NOS1: variants seen among roughly 807,000 people sequenced by gnomAD.
NOS1 encodes the protein nitric oxide synthase 1, also known as NOS type I.
NOS1 carries 51 observed loss-of-function variants against 164.5 expected under a neutral mutation model. The ratio of observed to expected loss-of-function variants is 0.31; its 90% CI spans 0.25 to 0.39. The LOEUF is 0.39. Among genes scored for constraint, NOS1 ranks in the 10% least tolerant of loss-of-function variants. The probability of loss-of-function intolerance (pLI) is 1.00; values close to 1 mark genes in which losing one functional copy is unlikely to be tolerated. For synonymous variants in NOS1, 719 were observed against 745.8 expected (o/e 0.96, Z 0.59); for missense variants, 1,362 against 1,885.6 (o/e 0.72, Z 5.14).
chr12:117,326,023 A>C (rs1875227719), intron 2 of NOS1, among the ~76,000 whole-genome samples: 1 of 152,150 alleles, frequency 6.6e-6, no homozygotes, highest in Non-Finnish European at 1.5e-5. Flanking sequence ...CCAGTTAGTA[A>C]AGACATTTAA....
chr12:117,225,475 G>A (rs1214158523), intron 24 of NOS1, among the ~76,000 whole-genome samples: 2 of 152,094 alleles, frequency 1.3e-5, no homozygotes, highest in Non-Finnish European at 2.9e-5. Flanking sequence ...GTAGGGTATT[G>A]AGCAACATCC....
At chr12:117,324,454 G>T (rs2136068354) in intron 2 of NOS1, among the ~76,000 whole-genome samples, 1 of 152,280 alleles carries the variant, frequency 6.6e-6, no homozygotes, top group Non-Finnish European at 1.5e-5. Context: ...CTCCAGCCAG[G>T]CACGGTGGCT....
At chr12:117,237,892 C>T (rs12099598) in intron 20 of NOS1, among the ~76,000 whole-genome samples, 36,254 of 151,714 alleles carry the variant, frequency 0.24, 4,679 homozygotes, top group East Asian at 0.39. Flanking sequence ...GTGATGTGGA[C>T]GAGTGGGTGG....
chr12:117,348,900 G>A (rs759643246), intron 1 of NOS1, among the ~76,000 whole-genome samples: 2 of 152,168 alleles, frequency 1.3e-5, no homozygotes, highest in African/African-American at 2.4e-5. Flanking sequence ...CGGAGAAAGT[G>A]GTGCAATTCG....
At position 117,311,400 on chromosome 12, in the gene NOS1, TC is replaced by T. The variant is rs1291906809; in HGVS notation, c.852+65del. 4 of 1,506,060 alleles carry T rather than the reference TC, an allele frequency of 2.7e-6. No homozygotes were observed. In the Admixed American group the frequency reaches 6.3e-5, roughly 24 times the overall value. The allele number at this position is 1,506,060 out of a possible 1,614,324, so 93.3% of individuals were successfully genotyped here. A position where few individuals can be genotyped will look rare whatever the true frequency, so the allele number is the denominator to read the frequency against. ...GGATTTAGCTTCCCTCCCCTCAGCTTCCCACCTGGGAGGGGGTCGAGAAGGC... is the reference window on the plus strand; with the variant it reads ...GGATTTAGCTTCCCTCCCCTCAGCTTCCACCTGGGAGGGGGTCGAGAAGGC... On this transcript the variant is annotated intron_variant, in intron 3 of 28. Coordinates refer to ENST00000317775, the MANE Select transcript of NOS1 (RefSeq NM_000620.5).
At position 117,214,077 on chromosome 12, in the gene NOS1, G is replaced by C; in HGVS notation, c.*1232C>G. On this transcript the variant is annotated 3_prime_UTR_variant, in exon 29 of 29. Coordinates refer to ENST00000317775, the MANE Select transcript of NOS1 (RefSeq NM_000620.5). ...CAAGTTCTTCCCACCCCAAGTTGTGGCTCCTATCGAAGAAGCCACGTGGGA... is the reference window on the plus strand; with the variant it reads ...CAAGTTCTTCCCACCCCAAGTTGTGCCTCCTATCGAAGAAGCCACGTGGGA... 1.0e-6 allele frequency: 1 copy of C among 985,360 alleles called. No homozygotes were observed. Among genetic ancestry groups the C allele is most frequent in the Non-Finnish European group, 1.2e-6 (1 of 829,916 alleles). 61.0% of individuals were successfully genotyped at this position (985,360 alleles called of 1,614,324 possible). A position where few individuals can be genotyped will look rare whatever the true frequency, so the allele number is the denominator to read the frequency against.
chr12:117,324,147 G>T (rs1593022920), intron 2 of NOS1, among the ~76,000 whole-genome samples: 1 of 152,202 alleles, frequency 6.6e-6, no homozygotes, highest in African/African-American at 2.4e-5. Flanking sequence ...GGCCAGTGCT[G>T]TGTGACCCTG....
At chr12:117,291,503 A>T (rs1873055388) in intron 3 of NOS1, among the ~76,000 whole-genome samples, 1 of 142,884 alleles carries the variant, frequency 7.0e-6, no homozygotes, top group Non-Finnish European at 1.5e-5. Context: ...TTCATTGTAG[A>T]CCTCACTGAT....
intron 25 of NOS1, among the ~76,000 whole-genome samples, chr12:117,224,506 C>T (rs1268859246): frequency 3.3e-5 from 5 of 152,078 alleles, no homozygotes; most frequent in South Asian, 2.1e-4. Flanking sequence ...AGGATGGTCT[C>T]GATCTCCTGA....
intron 3 of NOS1, among the ~76,000 whole-genome samples, chr12:117,298,279 G>A (rs879656200): frequency 6.6e-6 from 1 of 152,010 alleles, no homozygotes; most frequent in Non-Finnish European, 1.5e-5. Context: ...TAGGGTACGA[G>A]CTCCTATGAG....
chr12:117,311,194 G>A (rs140567242), intron 3 of NOS1, among the ~76,000 whole-genome samples: 2 of 152,030 alleles, frequency 1.3e-5, no homozygotes, highest in Non-Finnish European at 2.9e-5. Flanking sequence ...TTTTAAATTT[G>A]GAATCATGTG....
chr12:117,359,879 TATATATATATATATATATATATATA>T (rs1877044655), intron 1 of NOS1, among the ~76,000 whole-genome samples: 17 of 24,092 alleles, frequency 7.1e-4, no homozygotes, highest in African/African-American at 1.5e-3. Flanking sequence ...AATGGTTTTA[TATATATATATATATATATATATATA>T]TATATATATA....
chr12:117,259,564 G>A lies in NOS1; in HGVS notation c.2368-434C>T, dbSNP rs1026028032. ...TCAACCTCCTCTCTAATCCTCCCCC[G>A]AGCAGTGTGGAGCACCTGGCCAAAC... On this transcript the variant is annotated intron_variant, in intron 14 of 28. Coordinates refer to ENST00000317775, the MANE Select transcript of NOS1 (RefSeq NM_000620.5). 3.9e-5 allele frequency among the ~76,000 whole-genome samples: 6 copies of A among 152,056 alleles called. No homozygotes were observed. The South Asian group carries it at 6.2e-4, about 16-fold the overall frequency.
At chr12:117,264,594 TTCCC>T (rs1469882221) in intron 12 of NOS1, among the ~76,000 whole-genome samples, 3 of 124,880 alleles carry the variant, frequency 2.4e-5, no homozygotes, top group Admixed American at 1.6e-4. Context: ...TTTTCCTTCC[TTCCC>T]TCCCTCCCTC....
intron 1 of NOS1, among the ~76,000 whole-genome samples, chr12:117,343,445 C>CA (rs1355152122): frequency 3.9e-5 from 6 of 152,156 alleles, no homozygotes; most frequent in African/African-American, 4.8e-5. Context: ...AATTCAGCTA[C>CA]AAAAAATATG....
At chr12:117,336,805 C>CT (rs1566082046) in intron 1 of NOS1, among the ~76,000 whole-genome samples, 1 of 151,988 alleles carries the variant, frequency 6.6e-6, no homozygotes, top group Non-Finnish European at 1.5e-5. Context: ...ACTCTTCTTT[C>CT]TTTTTTTGTG....
chr12:117,247,551 C>T, intron 17 of NOS1, 29 bp from the exon 18 acceptor site: 1 of 1,585,582 alleles, frequency 6.3e-7, no homozygotes, highest in Middle Eastern at 1.7e-4. Context: ...AATGTTCATG[C>T]TAAGGGACTG....
chr12:117,330,573 C>A lies in NOS1; in HGVS notation c.497G>T (p.Gly166Val), dbSNP rs774097948. Residue 166 changes from glycine to valine, a missense_variant, in exon 2 of 29, where the codon GGG becomes GTG. Coordinates refer to ENST00000317775, the MANE Select transcript of NOS1 (RefSeq NM_000620.5). This position sits in a 1 kb window ranked among gnomAD's most constrained non-coding sequence, Gnocchi z 4.6. ...GNGPQHAYDD[G>V]QEAGSLPHAN... ...ATGGGGGAGTGAGCCAGCCTCCTGC[C>A]CATCATCGTAGGCATGCTGAGGCCC... 3.1e-6 allele frequency: 5 copies of A among 1,613,238 alleles called. No individual in the cohort carries two copies. Among genetic ancestry groups the A allele is most frequent in the Non-Finnish European group, 4.2e-6 (5 of 1,179,792 alleles).
At chr12:117,220,327 C>T (rs925588549) in intron 26 of NOS1, 58 bp from the exon 27 acceptor site, 23 of 1,490,714 alleles carry the variant, frequency 1.5e-5, no homozygotes, top group Non-Finnish European at 1.9e-5. Context: ...CCTGCCATAG[C>T]CCATGTCTGC....
Sources: gnomAD v4.1 joint callset for allele counts (sites outside exome capture counted in the v4.1 genomes callset) on GRCh38, gnomAD v4.1.1 for gene constraint, Gnocchi (gnomAD v3.1) non-coding constraint, MANE v1.5 for transcripts, NCBI Gene and HGNC (gene_info 2026-07-23, HGNC 2026-07-21) for gene names.